The following USP32 variants were observed in gnomAD, a reference collection of about 807,000 sequenced individuals.
The protein encoded by USP32 is ubiquitin specific peptidase 32, also known as ubiquitin carboxyl-terminal hydrolase 32.
A neutral mutation model predicts 204.8 loss-of-function variants in USP32; 59 were observed. The ratio of observed to expected loss-of-function variants is 0.29; its 90% CI spans 0.23 to 0.36. The LOEUF (loss-of-function observed/expected upper bound fraction) is 0.36. Ranked by LOEUF, USP32 falls within the 10% of genes least tolerant of loss-of-function variation. The pLI is 1.00. For synonymous variants in USP32, 517 were observed against 678.4 expected, an observed-to-expected ratio of 0.76 and a Z score of 3.70; for missense variants, 1,160 against 1,946.4, an observed-to-expected ratio of 0.60 and a Z score of 7.60.
intron 9 of USP32, among the ~76,000 whole-genome samples, chr17:60,263,946 C>T (rs1294014679): frequency 6.6e-6 from 1 of 150,802 alleles, no homozygotes; most frequent in Non-Finnish European, 1.5e-5. Flanking sequence ...TACCAATCTG[C>T]GACTTGGTAC....
intron 5 of USP32, among the ~76,000 whole-genome samples, chr17:60,278,471 G>T (rs2086891426): frequency 6.6e-6 from 1 of 152,044 alleles, no homozygotes; most frequent in Non-Finnish European, 1.5e-5. Flanking sequence ...GTTAACTAGG[G>T]AAAGGAAAAG....
intron 1 of USP32, among the ~76,000 whole-genome samples, chr17:60,407,149 A>C (rs2089982100): frequency 6.6e-6 from 1 of 152,234 alleles, no homozygotes. Context: ...AATCTCACTG[A>C]GGACGCACAG....
intron 5 of USP32, among the ~76,000 whole-genome samples, chr17:60,273,178 A>G (rs1053899370): frequency 1.5e-4 from 23 of 152,002 alleles, no homozygotes; most frequent in African/African-American, 5.6e-4. Flanking sequence ...TCGCCGTATC[A>G]CCCAGGCTGG....
chr17:60,371,807 A>G (rs1480172184), intron 1 of USP32, among the ~76,000 whole-genome samples: 3 of 152,214 alleles, frequency 2.0e-5, no homozygotes, highest in African/African-American at 7.2e-5. Context: ...AACAACTCAT[A>G]GTCTTGAAAG....
intron 21 of USP32, among the ~76,000 whole-genome samples, chr17:60,210,009 C>T (rs2627864): frequency 2.0e-5 from 3 of 151,874 alleles, no homozygotes; most frequent in Middle Eastern, 3.4e-3. Context: ...TATGTGTATA[C>T]ATTATTTTAT....
At chr17:60,222,622 A>ACT in intron 14 of USP32, 73 bp from the exon 15 acceptor site, 2 of 1,455,462 alleles carry the variant, frequency 1.4e-6, no homozygotes, top group Non-Finnish European at 1.9e-6. Context: ...ATACCTAGAA[A>ACT]CAGGAAAACA....
chr17:60,281,809 C>T (rs2086974177), intron 5 of USP32, among the ~76,000 whole-genome samples: 1 of 152,158 alleles, frequency 6.6e-6, no homozygotes. Context: ...GGTCCATCTA[C>T]ATCAAAATCA....
chr17:60,276,196 T>A (rs1241119221), intron 5 of USP32, among the ~76,000 whole-genome samples: 2 of 152,140 alleles, frequency 1.3e-5, no homozygotes, highest in Non-Finnish European at 2.9e-5. Context: ...TTGGGCAACA[T>A]AGTGAGACCC....
At chr17:60,247,414 A>G (rs1027967564) in intron 11 of USP32, among the ~76,000 whole-genome samples, 3 of 152,188 alleles carry the variant, frequency 2.0e-5, no homozygotes, top group Non-Finnish European at 2.9e-5. Context: ...TCCTGGCCTC[A>G]GGTGATCCAG....
rs185684956 is a variant in USP32 at position 60,402,031 on chromosome 17, T to A, written c.106+20215A>T. 3.3e-5 allele frequency among the ~76,000 whole-genome samples: 5 copies of A among 152,212 alleles called. 1 individual carries two copies. The highest frequency in any genetic ancestry group is 4.4e-5 in the Non-Finnish European group (3 of 68,016). On this transcript the variant is annotated intron_variant, in intron 1 of 3. Transcript: ENST00000588898. ...GAAAAGGGTGCTAACTTATCCCAGATCTTCTAGTTTTTGTCTGAGTGAAAT... is the reference window on the plus strand; with the variant it reads ...GAAAAGGGTGCTAACTTATCCCAGAACTTCTAGTTTTTGTCTGAGTGAAAT...
intron 1 of USP32, among the ~76,000 whole-genome samples, chr17:60,352,021 G>C (rs940537614): frequency 6.6e-6 from 1 of 152,150 alleles, no homozygotes; most frequent in Non-Finnish European, 1.5e-5. Flanking sequence ...TCAAAGAATT[G>C]CAAGTAGTAT....
At chr17:60,279,852 TTAATAA>T (rs201455332) in intron 5 of USP32, among the ~76,000 whole-genome samples, 35 of 145,638 alleles carry the variant, frequency 2.4e-4, no homozygotes, top group African/African-American at 6.4e-4. Flanking sequence ...ATAATAATAA[TTAATAA>T]TAATAATAAT....
At chr17:60,262,807 T>C (rs988528530) in intron 9 of USP32, among the ~76,000 whole-genome samples, 17 of 152,206 alleles carry the variant, frequency 1.1e-4, no homozygotes, top group Non-Finnish European at 7.3e-5. Flanking sequence ...TTACCTCTTT[T>C]AGGAATCACC....
chr17:60,340,758 A>T (rs562527877), intron 2 of USP32, among the ~76,000 whole-genome samples: 98 of 152,308 alleles, frequency 6.4e-4, no homozygotes, highest in African/African-American at 2.1e-3. Flanking sequence ...CAGTTTCTTC[A>T]TAGCATCAAT....
chr17:60,371,171 T>C (rs1312426972), intron 1 of USP32, among the ~76,000 whole-genome samples: 1 of 150,744 alleles, frequency 6.6e-6, no homozygotes, highest in Non-Finnish European at 1.5e-5. Context: ...GGAGGATTGC[T>C]TGAGCCCAAG....
intron 2 of USP32, among the ~76,000 whole-genome samples, chr17:60,343,750 G>A (rs1166582552): frequency 6.6e-6 from 1 of 152,206 alleles, no homozygotes; most frequent in African/African-American, 2.4e-5. Context: ...AACTAGAGAA[G>A]GCCAGGCATG....
intron 7 of USP32, 148 bp downstream of exon 7, chr17:60,269,302 C>A: frequency 1.6e-6 from 1 of 612,132 alleles, no homozygotes; most frequent in South Asian, 2.1e-5. Flanking sequence ...AGAGTGACCT[C>A]AGTAAAACCC....
intron 4 of USP32, among the ~76,000 whole-genome samples, chr17:60,290,333 T>A (rs1222009699): frequency 6.6e-6 from 1 of 152,210 alleles, no homozygotes; most frequent in African/African-American, 2.4e-5. Flanking sequence ...TCACCCAGTC[T>A]TCATGTATGC....
At chr17:60,326,624 G>A (rs1197201706) in intron 2 of USP32, among the ~76,000 whole-genome samples, 2 of 152,074 alleles carry the variant, frequency 1.3e-5, no homozygotes, top group Non-Finnish European at 2.9e-5. Context: ...ATTCTACTGG[G>A]ACTTAATACT....
Sources: gnomAD v4.1 joint callset for allele counts (sites outside exome capture counted in the v4.1 genomes callset) on GRCh38, gnomAD v4.1.1 for gene constraint, MANE v1.5 for transcripts, NCBI Gene and HGNC (gene_info 2026-07-23, HGNC 2026-07-21) for gene names.